C12orf42: variants seen among roughly 807,000 people sequenced by gnomAD.
C12orf42 encodes uncharacterized protein C12orf42.
Under a neutral mutation model 21.6 loss-of-function variants are expected in C12orf42, and 25 were observed. The observed-to-expected ratio is 1.16, with a 90% confidence interval of 0.84 to 1.62. The LOEUF (loss-of-function observed/expected upper bound fraction) is 1.62. Among genes scored for constraint, C12orf42 ranks in the 40% most tolerant of loss-of-function variants. The pLI is 0.00. For synonymous variants in C12orf42, 174 were observed against 175.0 expected, an observed-to-expected ratio of 0.99 and a Z score of 0.05; for missense variants, 483 against 459.3, an observed-to-expected ratio of 1.05 and a Z score of -0.47.
chr12:103,313,109 G>C (rs894681817), intron 4 of C12orf42, among the ~76,000 whole-genome samples: 3 of 152,110 alleles, frequency 2.0e-5, no homozygotes, highest in Non-Finnish European at 4.4e-5. Flanking sequence ...AGAGGCAATT[G>C]TCCTAAAAGG....
chr12:103,143,842 G>A, the C12orf42 span, among the ~76,000 whole-genome samples: 1 of 152,172 alleles, frequency 6.6e-6, no homozygotes, highest in Admixed American at 6.6e-5. Flanking sequence ...TCCCAGCTCT[G>A]CCATTTACTA....
chr12:103,051,295 C>T, the C12orf42 span, among the ~76,000 whole-genome samples: 2 of 152,160 alleles, frequency 1.3e-5, no homozygotes, highest in Non-Finnish European at 2.9e-5. Context: ...CTTAGAAGCA[C>T]AAGCACCTCT....
the C12orf42 span, among the ~76,000 whole-genome samples, chr12:103,191,736 C>T: frequency 5.0e-5 from 4 of 79,366 alleles, no homozygotes; most frequent in East Asian, 1.1e-3. Flanking sequence ...GAGTGGGACT[C>T]TGTGTCTAAA....
the C12orf42 span, among the ~76,000 whole-genome samples, chr12:103,206,054 G>C: frequency 0.36 from 54,333 of 152,018 alleles, 10,662 homozygotes; most frequent in South Asian, 0.45. Flanking sequence ...ATTACTCTTG[G>C]CCACGGGGAA....
the C12orf42 span, among the ~76,000 whole-genome samples, chr12:103,085,817 G>A: frequency 6.6e-6 from 1 of 152,072 alleles, no homozygotes; most frequent in Non-Finnish European, 1.5e-5. Flanking sequence ...GTAAAACTTT[G>A]GGTAATCCTC....
chr12:103,230,661 C>T, the C12orf42 span, among the ~76,000 whole-genome samples: 26 of 152,222 alleles, frequency 1.7e-4, no homozygotes, highest in Admixed American at 5.9e-4. Context: ...GCCTCTCCTT[C>T]ACTTATTCAT....
chr12:103,276,825 T>C (rs548831995), intron 5 of C12orf42, among the ~76,000 whole-genome samples: 1 of 152,332 alleles, frequency 6.6e-6, no homozygotes, highest in South Asian at 2.1e-4. Flanking sequence ...GGAGTTTTCA[T>C]AGTTGTTTTT....
chr12:103,433,132 T>C (rs906088673), intron 2 of C12orf42, among the ~76,000 whole-genome samples: 1 of 152,190 alleles, frequency 6.6e-6, no homozygotes, highest in East Asian at 1.9e-4. Context: ...TATAGATACA[T>C]TTGCGGTTGT....
the C12orf42 span, among the ~76,000 whole-genome samples, chr12:103,541,838 T>C: frequency 2.6e-4 from 39 of 152,296 alleles, no homozygotes; most frequent in East Asian, 7.5e-3. Context: ...CACATCAAGT[T>C]ATTGACTTTG....
chr12:103,133,892 C>T, the C12orf42 span, among the ~76,000 whole-genome samples: 1 of 152,224 alleles, frequency 6.6e-6, no homozygotes, highest in Non-Finnish European at 1.5e-5. Context: ...TCTTCTCTTT[C>T]CTGCTGTCAT....
At chr12:103,284,025 G>T (rs1013873707) in intron 4 of C12orf42, among the ~76,000 whole-genome samples, 1 of 152,066 alleles carries the variant, frequency 6.6e-6, no homozygotes, top group Non-Finnish European at 1.5e-5. Flanking sequence ...GGTACTTCTG[G>T]GATGATAAAA....
At chr12:103,499,542 A>G (rs142440408), upstream of C12orf42, among the ~76,000 whole-genome samples, 347 of 152,360 alleles carry the variant, frequency 2.3e-3, 1 homozygote, top group African/African-American at 8.0e-3. Context: ...AAGATGGCAC[A>G]CTGGCTTGGA....
intron 10 of C12orf42, among the ~76,000 whole-genome samples, chr12:103,248,960 T>C (rs1162120537): frequency 6.6e-6 from 1 of 151,998 alleles, no homozygotes; most frequent in Non-Finnish European, 1.5e-5. Flanking sequence ...TGTGAATACA[T>C]AGATTGAAGA....
At chr12:103,513,744 T>C in the C12orf42 span, among the ~76,000 whole-genome samples, 2,311 of 152,276 alleles carry the variant, frequency 0.015, 57 homozygotes, top group African/African-American at 0.051. Flanking sequence ...CAAGTGTTTA[T>C]TGAACAACAA....
chr12:103,062,159 T>G, the C12orf42 span, among the ~76,000 whole-genome samples: 8 of 151,644 alleles, frequency 5.3e-5, no homozygotes, highest in East Asian at 1.5e-3. Flanking sequence ...GAATTTAAAT[T>G]TTATTATTTG....
intron 4 of C12orf42, among the ~76,000 whole-genome samples, chr12:103,351,866 G>C (rs1036476218): frequency 6.6e-6 from 1 of 152,024 alleles, no homozygotes; most frequent in Non-Finnish European, 1.5e-5. Context: ...AGATTCACAA[G>C]ACACAACAAA....
chr12:103,200,988 T>C, the C12orf42 span, among the ~76,000 whole-genome samples: 1 of 152,200 alleles, frequency 6.6e-6, no homozygotes, highest in Admixed American at 6.5e-5. Context: ...TCCTGCTGGT[T>C]ATGGAAGCAT....
At chr12:103,191,591 A>T in the C12orf42 span, among the ~76,000 whole-genome samples, 2 of 147,716 alleles carry the variant, frequency 1.4e-5, no homozygotes, top group Admixed American at 1.4e-4. Context: ...AGAGAAAAAA[A>T]TTATCTGGGT....
the C12orf42 span, among the ~76,000 whole-genome samples, chr12:103,530,575 C>T: frequency 6.6e-6 from 1 of 151,980 alleles, no homozygotes; most frequent in Non-Finnish European, 1.5e-5. Flanking sequence ...GGTAAATACC[C>T]AGCATGCTTC....
Sources: allele counts gnomAD v4.1 joint callset (sites outside exome capture counted in the v4.1 genomes callset), GRCh38; gene constraint gnomAD v4.1.1; transcripts MANE v1.5; gene names NCBI Gene and HGNC (gene_info 2026-07-23, HGNC 2026-07-21).